Variants in GPT2 observed in about 807,000 individuals in gnomAD.
GPT2 encodes glutamic--pyruvic transaminase 2, also known as alanine aminotransferase 2.
In GPT2, 30 loss-of-function variants were observed where a neutral mutation model predicts 56.9. That is an observed-to-expected ratio of 0.53 (90% CI 0.39 to 0.72). The LOEUF (loss-of-function observed/expected upper bound fraction) is 0.72. Among genes scored for constraint, GPT2 ranks in the 30% least tolerant of loss-of-function variants. GPT2 has a pLI of 0.00. For synonymous variants in GPT2, 271 were observed against 283.1 expected (o/e 0.96, Z 0.43); for missense variants, 542 against 703.4 (o/e 0.77, Z 2.60).
chr16:46,912,325 G>A (rs1364980681), intron 6 of GPT2, among the ~76,000 whole-genome samples: 1 of 152,146 alleles, frequency 6.6e-6, no homozygotes, highest in East Asian at 1.9e-4. Flanking sequence ...CTTCCTCTGG[G>A]TTGCAGTCCT....
rs371905746 is a variant in GPT2 at position 46,918,406 on chromosome 16, C to T, written c.901-215C>T. 5.3e-5 allele frequency among the ~76,000 whole-genome samples: 8 copies of T among 152,298 alleles called. No homozygotes were observed. In the East Asian group the frequency reaches 1.5e-3, roughly 29 times the overall value. ...GAGTGTGAGAGAAATCAAGTGAGCT[C>T]CTGAGCTGTCTCAGCATCCAGCCTG... On this transcript the variant is annotated intron_variant, in intron 7 of 11. Transcript: ENST00000340124.
chr16:46,902,430 G>A (rs1960837031), intron 4 of GPT2, among the ~76,000 whole-genome samples: 1 of 152,144 alleles, frequency 6.6e-6, no homozygotes, highest in South Asian at 2.1e-4. Flanking sequence ...CCCATTCCAG[G>A]GGGCAGGACA....
At chr16:46,916,446 C>G in intron 6 of GPT2, 182 bp from the exon 7 acceptor site, 1 of 613,282 alleles carries the variant, frequency 1.6e-6, no homozygotes, top group Non-Finnish European at 3.0e-6. Context: ...CTCTTCTGGG[C>G]GTCCCTGGAG....
chr16:46,910,000 A>G (rs1292496130), intron 6 of GPT2, 73 bp downstream of exon 6: 35 of 1,492,902 alleles, frequency 2.3e-5, no homozygotes, highest in Non-Finnish European at 3.1e-5. Context: ...TAGAAACCAG[A>G]GTTAAATAAT....
chr16:46,903,236 T>C (rs1463013496), intron 4 of GPT2, among the ~76,000 whole-genome samples: 2 of 151,152 alleles, frequency 1.3e-5, no homozygotes, highest in East Asian at 4.0e-4. Flanking sequence ...GTGATGAGAG[T>C]GAAACTCTGT....
At chr16:46,916,895 T>C (rs1225153507) in intron 7 of GPT2, among the ~76,000 whole-genome samples, 188 bp downstream of exon 7, 1 of 152,178 alleles carries the variant, frequency 6.6e-6, no homozygotes, top group Admixed American at 6.5e-5. Flanking sequence ...TATTGGTTTG[T>C]ACTCTTGGTT....
Position 46,916,726 on chromosome 16 carries a change from A to G in GPT2, c.900+19A>G, listed in dbSNP as rs1288877396. The G allele has an allele frequency of 6.5e-7, 1 of 1,527,172 alleles. No homozygotes were observed. The highest frequency in any genetic ancestry group is 1.5e-5 in the African/African-American group (1 of 65,056). The allele number at this position is 1,527,172 out of a possible 1,614,324, so 94.6% of individuals were successfully genotyped here. ...TGATGAGGTAAGAATGTCCCCACTC[A>G]GAGGGAGTGGGCACTAGCTTTCTCT... On this transcript the variant is annotated intron_variant, in intron 7 of 11. Coordinates refer to ENST00000340124, the MANE Select transcript of GPT2 (RefSeq NM_133443.4).
At chr16:46,925,306 C>T (rs1230143437) in intron 10 of GPT2, among the ~76,000 whole-genome samples, 3 of 151,926 alleles carry the variant, frequency 2.0e-5, no homozygotes, top group Non-Finnish European at 4.4e-5. Context: ...ACTGCAAGCT[C>T]GGCCTCCCGG....
At chr16:46,912,709 C>T (rs1421304787) in intron 6 of GPT2, among the ~76,000 whole-genome samples, 2 of 152,128 alleles carry the variant, frequency 1.3e-5, no homozygotes, top group Non-Finnish European at 2.9e-5. Context: ...AGGGGGAGCA[C>T]GCACATCGCA....
chr16:46,885,402 G>A (rs569537035), intron 2 of GPT2: 1 of 821,620 alleles, frequency 1.2e-6, no homozygotes. Flanking sequence ...GAGACGGGGT[G>A]GGGGGGGCTC....
chr16:46,895,474 G>A (rs1002834201), intron 2 of GPT2, among the ~76,000 whole-genome samples: 3 of 151,268 alleles, frequency 2.0e-5, no homozygotes, highest in African/African-American at 4.9e-5. Flanking sequence ...GCAGTGAACC[G>A]AGATCACACC....
At position 46,931,040 on chromosome 16, in the gene GPT2, G is replaced by C. The variant is rs186604648; in HGVS notation, c.*2043G>C. The C allele has an allele frequency of 8.5e-5, 13 of 152,284 alleles. No individual in the cohort carries two copies. Among genetic ancestry groups the C allele is most frequent in the Admixed American group, 8.5e-4 (13 of 15,256 alleles). 9.4% of individuals were successfully genotyped at this position (152,284 alleles called of 1,614,324 possible). On this transcript the variant is annotated 3_prime_UTR_variant, in exon 12 of 12. Transcript: ENST00000340124. ...TACATCTGTGAAGTTTCTGTCATTC[G>C]TCCAGATCTGTGTGTGTAGCATGTG...
Position 46,916,495 on chromosome 16 carries a change from G to C in GPT2, c.821-133G>C, listed in dbSNP as rs147222629. 3 of 714,894 alleles carry C rather than the reference G, an allele frequency of 4.2e-6. 1 individual carries two copies. The highest frequency in any genetic ancestry group is 3.2e-5 in the South Asian group (2 of 62,090). The allele number at this position is 714,894 out of a possible 1,614,324, so 44.3% of individuals were successfully genotyped here. ...TCATGCATGGCAGCTGGGGAGGGGGGCCTCTGCGGGGAGGGTGTTCTATGG... is the reference window on the plus strand; with the variant it reads ...TCATGCATGGCAGCTGGGGAGGGGGCCCTCTGCGGGGAGGGTGTTCTATGG... On this transcript the variant is annotated intron_variant, in intron 6 of 11. Transcript: ENST00000340124.
chr16:46,908,613 A>G (rs561211082), intron 5 of GPT2, among the ~76,000 whole-genome samples: 1 of 152,284 alleles, frequency 6.6e-6, no homozygotes, highest in Admixed American at 6.5e-5. Flanking sequence ...CCCATGGGAA[A>G]TGGAGGCCCA....
At chr16:46,900,843 G>C in intron 4 of GPT2, 53 bp downstream of exon 4, 1 of 1,492,238 alleles carries the variant, frequency 6.7e-7, no homozygotes, top group South Asian at 1.1e-5. Flanking sequence ...AGTGTTCCCA[G>C]GCGGCCCCAG....
chr16:46,919,257 C>T (rs1961233530), intron 8 of GPT2, among the ~76,000 whole-genome samples: 1 of 152,216 alleles, frequency 6.6e-6, no homozygotes, highest in Non-Finnish European at 1.5e-5. Context: ...ACCGCGGATG[C>T]CGCAGCGAAC....
chr16:46,889,245 A>ACT (rs1960540309), intron 2 of GPT2, among the ~76,000 whole-genome samples: 1 of 60,734 alleles, frequency 1.6e-5, no homozygotes, highest in Non-Finnish European at 3.5e-5. Flanking sequence ...CCAGGCTGTT[A>ACT]ATTTTTTTTT....
rs200645668 is a variant in GPT2 at position 46,923,271 on chromosome 16, G to A, written c.1212+855G>A. Among the ~76,000 whole-genome samples, 16 of 152,230 alleles carry A rather than the reference G, an allele frequency of 1.1e-4. No homozygotes were observed. The East Asian group carries it at 2.7e-3, about 26-fold the overall frequency. On this transcript the variant is annotated intron_variant, in intron 9 of 11. Coordinates refer to ENST00000340124, the MANE Select transcript of GPT2 (RefSeq NM_133443.4). Reference sequence around the variant, plus strand: ...GAGGTCAGGAGTTTGAGACCAGCCCGGCCAACATGGTCAAACCTCATCTCT... The same window carrying A: ...GAGGTCAGGAGTTTGAGACCAGCCCAGCCAACATGGTCAAACCTCATCTCT...
intron 6 of GPT2, 88 bp from the exon 7 acceptor site, chr16:46,916,540 C>A: frequency 1.1e-6 from 1 of 939,582 alleles, no homozygotes; most frequent in Non-Finnish European, 1.8e-6. Flanking sequence ...GAACACAGGG[C>A]ACTGAGTGAT....
Sources: gnomAD v4.1 joint callset for allele counts (sites outside exome capture counted in the v4.1 genomes callset) on GRCh38, gnomAD v4.1.1 for gene constraint, MANE v1.5 for transcripts, NCBI Gene and HGNC (gene_info 2026-07-23, HGNC 2026-07-21) for gene names.